SRP72: variants seen among roughly 807,000 people sequenced by gnomAD.
SRP72 encodes signal recognition particle 72, also known as signal recognition particle subunit SRP72.
SRP72 carries 49 observed loss-of-function variants against 96.3 expected under a neutral mutation model. The observed-to-expected ratio is 0.51, with a 90% CI of 0.40 to 0.65. The LOEUF (loss-of-function observed/expected upper bound fraction) is 0.65. Ranked by LOEUF, SRP72 falls within the 30% of genes least tolerant of loss-of-function variation. The probability of loss-of-function intolerance (pLI) is 0.00; values close to 1 mark genes in which losing one functional copy is unlikely to be tolerated. For missense variants in SRP72, 736 were observed against 793.3 expected, an observed-to-expected ratio of 0.93 and a Z score of 0.87; for synonymous variants, 267 against 275.2, an observed-to-expected ratio of 0.97 and a Z score of 0.30.
chr4:56,484,343 T>C (rs1406973010), intron 9 of SRP72, among the ~76,000 whole-genome samples: 1 of 152,056 alleles, frequency 6.6e-6, no homozygotes, highest in African/African-American at 2.4e-5. Context: ...CGAGAGACAG[T>C]AATGTTTTTA....
At chr4:56,485,598 C>T (rs1410211027) in intron 10 of SRP72, among the ~76,000 whole-genome samples, 5 of 151,924 alleles carry the variant, frequency 3.3e-5, no homozygotes, top group African/African-American at 1.2e-4. Context: ...GTCAGGAGTT[C>T]AAGACCAGCC....
rs539665243 is a variant in SRP72 at position 56,484,026 on chromosome 4, A to ATTTTTTTTTTTTTTTTTTTTT, written c.958-705_958-685dup. Among the ~76,000 whole-genome samples the ATTTTTTTTTTTTTTTTTTTTT allele has an allele frequency of 4.6e-4, 40 of 86,614 alleles. 2 individuals are homozygous for ATTTTTTTTTTTTTTTTTTTTT. The highest frequency in any genetic ancestry group is 7.9e-3 in the Middle Eastern group (1 of 126). 56.8% of individuals were successfully genotyped at this position (86,614 alleles called of 152,430 possible). A position where few individuals can be genotyped will look rare whatever the true frequency, so the allele number is the denominator to read the frequency against. ...TTTAGTGGGAGACAGAGAAGCAGTA[A>ATTTTTTTTTTTTTTTTTTTTT]TTTTTTTTTTTTTTTTTTTTTTTTT... On this transcript the variant is annotated intron_variant, in intron 9 of 18. Coordinates refer to ENST00000642900, the MANE Select transcript of SRP72 (RefSeq NM_006947.4).
chr4:56,484,709 T>C (rs1487472112), intron 9 of SRP72, 27 bp from the exon 10 acceptor site: 2 of 1,611,430 alleles, frequency 1.2e-6, no homozygotes, highest in Admixed American at 3.4e-5. Context: ...CAGTTTATTT[T>C]TCTTGTGGGG....
rs201653221 is a variant in SRP72, at chr4:56,474,104, C to T, written c.405C>T (p.Leu135=). 4.0e-5 allele frequency: 65 copies of T among 1,613,926 alleles called. No homozygotes were observed. Among genetic ancestry groups the T allele is most frequent in the Non-Finnish European group, 5.3e-5 (62 of 1,180,006 alleles). Residue 135 remains leucine (L), a synonymous_variant, in exon 4 of 19, where the codon CTC becomes CTT. Transcript: ENST00000642900. ...AATGCTTAGCAGTGTATAGAGATCT[C>T]GTCCGAAACTCCCAAGATGATTATG... ...YDECLAVYRD[L]VRNSQDDYDE... is the part of the protein sequence containing the mutation.
At chr4:56,492,054 G>A (rs1366015226) in intron 16 of SRP72, among the ~76,000 whole-genome samples, 1 of 152,128 alleles carries the variant, frequency 6.6e-6, no homozygotes. Context: ...GACCAGGTTC[G>A]TCTTGAACTC....
chr4:56,474,542 C>CT lies in SRP72; in HGVS notation c.610+163dup, dbSNP rs112716931. 106,641 of 563,196 alleles carry CT rather than the reference C, an allele frequency of 0.19. No individual in the cohort carries two copies. The highest frequency in any genetic ancestry group is 0.24 in the South Asian group (10,156 of 41,800). The allele number at this position is 563,196 out of a possible 1,614,324, so 34.9% of individuals were successfully genotyped here. Reference sequence around the variant, plus strand: ...CCAAGTTCCTGTCGTCTTTCTCTCTCTTTTTTTTTTTTATGGAGTGGGACA... The same window carrying CT: ...CCAAGTTCCTGTCGTCTTTCTCTCTCTTTTTTTTTTTTTATGGAGTGGGACA... On this transcript the variant is annotated intron_variant, in intron 5 of 18. Transcript: ENST00000642900.
Position 56,483,251 on chromosome 4 carries a change from TTGCTATGTAC to T in SRP72, c.939_948del (p.Ala314GlnfsTer26). 6.2e-7 allele frequency: 1 copy of T among 1,613,128 alleles called. No individual in the cohort carries two copies. Among genetic ancestry groups the T allele is most frequent in the Non-Finnish European group, 8.5e-7 (1 of 1,179,734 alleles). ...GCTATAGAATTTAACAAAGCTTTAC[TTGCTATGTAC>T]ACAAACCAGGTGGGTAATTACCTTT... is the stretch of plus-strand genomic sequence containing the variant. On this transcript the variant is annotated frameshift_variant, in exon 9 of 19. Transcript: ENST00000642900. LOFTEE classifies it high-confidence loss of function.
intron 8 of SRP72, among the ~76,000 whole-genome samples, chr4:56,479,144 G>C (rs940763056): frequency 4.0e-5 from 6 of 151,886 alleles, no homozygotes; most frequent in Non-Finnish European, 1.5e-5. Context: ...TTAGAGTACT[G>C]TACTAATGTC....
intron 10 of SRP72, among the ~76,000 whole-genome samples, chr4:56,485,481 A>C (rs1281589405): frequency 6.6e-6 from 1 of 151,916 alleles, no homozygotes; most frequent in African/African-American, 2.4e-5. Context: ...GCATCCAAGA[A>C]TTCAACCAGC....
intron 16 of SRP72, among the ~76,000 whole-genome samples, chr4:56,494,006 T>C (rs1720994443): frequency 6.6e-6 from 1 of 152,094 alleles, no homozygotes. Flanking sequence ...AGTGGGAAGT[T>C]AGGAAAGGCT....
Position 56,486,382 on chromosome 4 carries a change from T to C in SRP72, c.1144T>C (p.Leu382=). Residue 382 remains leucine (L), a synonymous_variant, in exon 11 of 19, where the codon TTG becomes CTG. Transcript: ENST00000642900. The part of the protein sequence containing the change: ...AAEIKLTMAQ[L]KISQGNISKA... ...TGAAATTAAGCTGACCATGGCACAG[T>C]TGAAAATTTCTCAAGGTATTATGGT... The C allele has an allele frequency of 6.2e-7, 1 of 1,601,306 alleles. No individual in the cohort carries two copies. The highest frequency in any genetic ancestry group is 8.5e-7 in the Non-Finnish European group (1 of 1,171,482).
intron 17 of SRP72, among the ~76,000 whole-genome samples, chr4:56,499,177 T>C (rs1350371304): frequency 1.3e-5 from 2 of 152,168 alleles, no homozygotes; most frequent in African/African-American, 4.8e-5. Context: ...ATTCTAGCCA[T>C]ATGCAGAAAA....
At chr4:56,482,467 A>T (rs987226408) in intron 8 of SRP72, among the ~76,000 whole-genome samples, 1 of 151,808 alleles carries the variant, frequency 6.6e-6, no homozygotes, top group Non-Finnish European at 1.5e-5. Context: ...AAAGGTATGT[A>T]CTTGTTTTCA....
chr4:56,478,303 T>G, intron 6 of SRP72, 76 bp from the exon 7 acceptor site: 1 of 1,438,108 alleles, frequency 7.0e-7, no homozygotes, highest in East Asian at 2.3e-5. Context: ...GTATCTCTTT[T>G]GAATGTTTGG....
At position 56,483,326 on chromosome 4, in the gene SRP72, A is replaced by G. The variant is rs1191460228; in HGVS notation, c.957+56A>G. ...ACCTTTTGTAATATGGTATATGAGG[A>G]GTAATAGGGATATTAGTCTAATCTT... On this transcript the variant is annotated intron_variant, in intron 9 of 18. Coordinates refer to ENST00000642900, the MANE Select transcript of SRP72 (RefSeq NM_006947.4). 2.7e-6 allele frequency: 4 copies of G among 1,488,684 alleles called. No individual in the cohort carries two copies. The East Asian group carries it at 9.2e-5, about 34-fold the overall frequency. 92.2% of individuals were successfully genotyped at this position (1,488,684 alleles called of 1,614,324 possible).
chr4:56,491,942 C>T (rs1375841796), intron 16 of SRP72, among the ~76,000 whole-genome samples: 4 of 152,108 alleles, frequency 2.6e-5, no homozygotes, highest in Non-Finnish European at 5.9e-5. Flanking sequence ...CTCAGTGCAG[C>T]CTCCGCCTCC....
intron 2 of SRP72, among the ~76,000 whole-genome samples, chr4:56,471,033 C>T (rs1485515628): frequency 6.6e-6 from 1 of 152,136 alleles, no homozygotes. Flanking sequence ...AACTCCTCAC[C>T]TCAAGTGATC....
At position 56,478,603 on chromosome 4, in the gene SRP72, T is replaced by G. The variant is rs1720343046; in HGVS notation, c.779T>G (p.Val260Gly). Residue 260 changes from valine (V) to glycine (G), a missense_variant, in exon 8 of 19, where the codon GTG becomes GGG. Val to Gly is a moderately radical substitution (Grantham distance 109). Transcript: ENST00000642900. ...NQIIKLKPTD[V>G]GLLAVIANNI... ...CTTGTTGTTCACAGACCAACAGATG[T>G]GGGATTACTAGCTGTAATTGCAAAT... The G allele has an allele frequency of 6.2e-7, 1 of 1,614,094 alleles. No individual in the cohort carries two copies. The highest frequency in any genetic ancestry group is 8.5e-7 in the Non-Finnish European group (1 of 1,179,982).
intron 1 of SRP72, 133 bp from the exon 2 acceptor site, chr4:56,469,520 G>T: frequency 1.3e-6 from 1 of 778,332 alleles, no homozygotes; most frequent in Non-Finnish European, 1.9e-6. Flanking sequence ...GTTTCTTCCA[G>T]TTGTTCTGAC....
Sources: allele counts gnomAD v4.1 joint callset (sites outside exome capture counted in the v4.1 genomes callset), GRCh38; gene constraint gnomAD v4.1.1; transcripts MANE v1.5; gene names NCBI Gene and HGNC (gene_info 2026-07-23, HGNC 2026-07-21).